The following PTPRQ variants were observed in gnomAD, a reference collection of about 807,000 sequenced individuals.
The protein encoded by PTPRQ is protein tyrosine phosphatase receptor type Q, also known as phosphatidylinositol phosphatase PTPRQ.
In PTPRQ, 199 loss-of-function variants were observed where a neutral mutation model predicts 246.0. The ratio of observed to expected loss-of-function variants is 0.81; its 90% CI spans 0.72 to 0.91. The LOEUF is 0.91. Ranked by LOEUF, PTPRQ falls within the 40% of genes least tolerant of loss-of-function variation. The probability of loss-of-function intolerance (pLI) is 0.00; values close to 1 mark genes in which losing one functional copy is unlikely to be tolerated. For missense variants in PTPRQ, 2,624 were observed against 2,528.4 expected (o/e 1.04, Z -0.81); for synonymous variants, 869 against 853.2 (o/e 1.02, Z -0.32).
At chr12:80,606,486 A>G (rs1898326371) in intron 27 of PTPRQ, among the ~76,000 whole-genome samples, 1 of 151,034 alleles carries the variant, frequency 6.6e-6, no homozygotes, top group Non-Finnish European at 1.5e-5. Flanking sequence ...GATGTCAATA[A>G]TGCAGAACTG....
intron 17 of PTPRQ, among the ~76,000 whole-genome samples, chr12:80,521,675 A>G (rs1288973980): frequency 6.6e-6 from 1 of 152,040 alleles, no homozygotes; most frequent in Non-Finnish European, 1.5e-5. Context: ...ATAGTTGTAG[A>G]TATGAGGCGT....
At chr12:80,561,598 A>T (rs1404005106) in intron 25 of PTPRQ, 1 of 151,786 alleles carries the variant, frequency 6.6e-6, no homozygotes, top group African/African-American at 2.4e-5. Flanking sequence ...GCAGACACTG[A>T]TATGACTGCC....
At chr12:80,506,982 A>T (rs1894981165) in intron 16 of PTPRQ, among the ~76,000 whole-genome samples, 1 of 152,034 alleles carries the variant, frequency 6.6e-6, no homozygotes, top group South Asian at 2.1e-4. Context: ...GATATATGTC[A>T]TGACTGAGTT....
chr12:80,487,521 G>A (rs957471094), intron 9 of PTPRQ, among the ~76,000 whole-genome samples: 2 of 152,212 alleles, frequency 1.3e-5, no homozygotes, highest in Middle Eastern at 3.4e-3. Context: ...TGGTCCAGAA[G>A]GCTTTAAGAG....
intron 25 of PTPRQ, among the ~76,000 whole-genome samples, chr12:80,564,181 C>T (rs529073244): frequency 2.0e-4 from 30 of 152,084 alleles, no homozygotes; most frequent in African/African-American, 4.6e-4. Flanking sequence ...CATGCTGGTG[C>T]GCTGCACCCA....
intron 17 of PTPRQ, among the ~76,000 whole-genome samples, chr12:80,515,435 T>TG (rs959763017): frequency 6.6e-6 from 1 of 151,800 alleles, no homozygotes; most frequent in African/African-American, 2.4e-5. Context: ...CTTTTTTTTT[T>TG]TTTGAGAGGG....
intron 8 of PTPRQ, among the ~76,000 whole-genome samples, chr12:80,477,232 A>G (rs1441711981): frequency 6.6e-6 from 1 of 152,180 alleles, no homozygotes; most frequent in African/African-American, 2.4e-5. Flanking sequence ...AAAAAAATCA[A>G]TCAACTCTTC....
At chr12:80,520,223 G>A (rs1895430493) in intron 17 of PTPRQ, among the ~76,000 whole-genome samples, 1 of 152,100 alleles carries the variant, frequency 6.6e-6, no homozygotes, top group South Asian at 2.1e-4. Context: ...CATGTTGTTG[G>A]AGGGACTGGT....
chr12:80,457,158 T>C (rs1044807380), intron 3 of PTPRQ, among the ~76,000 whole-genome samples: 39 of 152,206 alleles, frequency 2.6e-4, no homozygotes, highest in African/African-American at 8.7e-4. Context: ...GTTTTTTGAG[T>C]ATTTGTTTGC....
intron 27 of PTPRQ, among the ~76,000 whole-genome samples, chr12:80,605,911 G>A (rs540839413): frequency 6.6e-6 from 1 of 151,020 alleles, no homozygotes; most frequent in Admixed American, 6.6e-5. Context: ...TAGATTGAGA[G>A]CAGTATGGGG....
chr12:80,599,082 C>T (rs1439068784), intron 26 of PTPRQ, among the ~76,000 whole-genome samples: 1 of 151,876 alleles, frequency 6.6e-6, no homozygotes, highest in East Asian at 1.9e-4. Context: ...AAATGATGGT[C>T]TATCCAGACT....
rs180694591 is a variant in PTPRQ at position 80,565,589 on chromosome 12, C to T, written c.4285+15855C>T. Among the ~76,000 whole-genome samples, 5 of 152,010 alleles carry T rather than the reference C, an allele frequency of 3.3e-5. No homozygotes were observed. In the East Asian group the frequency reaches 5.8e-4, roughly 18 times the overall value. ...TTCTTTCTTTCTGGTAACCATATGA[C>T]GTGAAAGCTTCAGGAATGTGCCTGT... is the stretch of plus-strand genomic sequence containing the variant. On this transcript the variant is annotated intron_variant, in intron 25 of 44. Coordinates refer to ENST00000644991, the MANE Select transcript of PTPRQ (RefSeq NM_001145026.2).
At chr12:80,450,194 A>G (rs1027097463) in intron 3 of PTPRQ, among the ~76,000 whole-genome samples, 4 of 152,118 alleles carry the variant, frequency 2.6e-5, no homozygotes, top group African/African-American at 9.7e-5. Context: ...TTATTGGTGT[A>G]TAAGAATGCC....
chr12:80,513,428 C>G (rs1461868769), intron 17 of PTPRQ, among the ~76,000 whole-genome samples: 1 of 152,144 alleles, frequency 6.6e-6, no homozygotes, highest in East Asian at 1.9e-4. Context: ...CTCTCGATGT[C>G]CAGCCGTTGT....
chr12:80,452,430 C>T (rs1337334391), intron 3 of PTPRQ, among the ~76,000 whole-genome samples: 2 of 152,128 alleles, frequency 1.3e-5, no homozygotes, highest in African/African-American at 4.8e-5. Flanking sequence ...GTTTATTTTG[C>T]TCGTTAGTTG....
chr12:80,493,393 A>T lies in PTPRQ; in HGVS notation c.1478A>T (p.Asn493Ile). Residue 493 changes from asparagine to isoleucine, a missense_variant, in exon 10 of 45, where the codon AAC becomes ATC. Asn to Ile is a moderately radical substitution (Grantham distance 149, BLOSUM62 -3). Transcript: ENST00000644991. ...DLHSLATFIY[N>I]SHPDKNFPAR... Reference sequence around the variant, plus strand: ...CACTCACTTGCTACATTTATATATAACAGCCATCCAGATAAAAACTTTCCT... The same window carrying T: ...CACTCACTTGCTACATTTATATATATCAGCCATCCAGATAAAAACTTTCCT... The T allele has an allele frequency of 1.3e-6, 2 of 1,550,220 alleles. No homozygotes were observed. Among genetic ancestry groups the T allele is most frequent in the African/African-American group, 2.7e-5 (2 of 73,040 alleles).
chr12:80,446,920 G>A (rs996098165), intron 3 of PTPRQ, among the ~76,000 whole-genome samples: 1 of 151,850 alleles, frequency 6.6e-6, no homozygotes, highest in Non-Finnish European at 1.5e-5. Flanking sequence ...TCTTTTCCTG[G>A]ATAGATACAT....
At chr12:80,523,944 T>G (rs1895597271) in intron 17 of PTPRQ, among the ~76,000 whole-genome samples, 1 of 152,200 alleles carries the variant, frequency 6.6e-6, no homozygotes, top group East Asian at 1.9e-4. Flanking sequence ...CTCATTGATC[T>G]GTCTAATGTT....
chr12:80,478,957 A>G (rs906221449), intron 8 of PTPRQ, among the ~76,000 whole-genome samples: 11 of 152,268 alleles, frequency 7.2e-5, no homozygotes, highest in African/African-American at 1.7e-4. Context: ...ACTCTGCAGG[A>G]TATTATCCAG....
Sources: allele counts gnomAD v4.1 joint callset (sites outside exome capture counted in the v4.1 genomes callset), GRCh38; gene constraint gnomAD v4.1.1; transcripts MANE v1.5; gene names NCBI Gene and HGNC (gene_info 2026-07-23, HGNC 2026-07-21).